NCOR1: variants seen among roughly 807,000 people sequenced by gnomAD.
NCOR1 encodes protein phosphatase 1, regulatory subunit 109.
A neutral mutation model predicts 288.1 loss-of-function variants in NCOR1; 63 were observed. The observed-to-expected ratio is 0.22, with a 90% CI of 0.18 to 0.27. The LOEUF (loss-of-function observed/expected upper bound fraction) is 0.27, where lower values mean the gene tolerates loss of function less well. Among genes scored for constraint, NCOR1 ranks in the 10% least tolerant of loss-of-function variants. The pLI, the probability that NCOR1 is intolerant of heterozygous loss-of-function variation, is 1.00. For missense variants in NCOR1, 2,397 were observed against 3,019.2 expected (o/e 0.79, Z 4.83); for synonymous variants, 1,007 against 1,065.9 (o/e 0.94, Z 1.08).
At chr17:16,103,978 C>G (rs1191471230) in intron 19 of NCOR1, among the ~76,000 whole-genome samples, 1 of 152,224 alleles carries the variant, frequency 6.6e-6, no homozygotes, top group Admixed American at 6.5e-5. Flanking sequence ...CCAGCCTGGG[C>G]AACAAGAGTG....
At chr17:16,149,662 C>A (rs1016050141) in intron 8 of NCOR1, 145 bp from the exon 9 acceptor site, 1 of 399,450 alleles carries the variant, frequency 2.5e-6, no homozygotes, top group African/African-American at 2.1e-5. Flanking sequence ...ATTTTTTTAC[C>A]CTGCAAAATA....
intron 42 of NCOR1, among the ~76,000 whole-genome samples, chr17:16,043,339 G>A (rs1216038544): frequency 1.3e-5 from 2 of 152,088 alleles, no homozygotes; most frequent in African/African-American, 4.8e-5. Context: ...TGCCATGGTG[G>A]GCCCAGGAGC....
intron 23 of NCOR1, among the ~76,000 whole-genome samples, chr17:16,081,981 G>A (rs1377970552): frequency 6.6e-6 from 1 of 152,178 alleles, no homozygotes; most frequent in East Asian, 1.9e-4. Context: ...CTAAGGCAAA[G>A]CTGTTAAGTG....
rs2062346063 is a variant in NCOR1 at position 16,075,593 on chromosome 17, G to C, written c.3611C>G (p.Ala1204Gly). The change falls in exon 27 of 46, where the codon GCT becomes GGT. Residue 1204 changes from alanine (A) to glycine (G), a missense_variant. Transcript: ENST00000268712. ...DSSPEKGREE[A>G]ASKGHVIYEG... ...ATAAATAACATGGCCTTTGGATGCA[G>C]CTTCCTCTCTGCCTTTCTCAGGACT... The C allele has an allele frequency of 6.2e-7, 1 of 1,614,198 alleles. No homozygotes were observed. The highest frequency in any genetic ancestry group is 8.5e-7 in the Non-Finnish European group (1 of 1,180,040).
In NCOR1 at chr17:16,127,737, A is replaced by G. The variant is rs28513534; in HGVS notation, c.1510-1531T>C. On this transcript the variant is annotated intron_variant, in intron 14 of 45. Transcript: ENST00000268712. Reference sequence around the variant, plus strand: ...TGTATATATACATATATGTGTATATATGTGTGGAGATATATATATATATCT... The same window carrying G: ...TGTATATATACATATATGTGTATATGTGTGTGGAGATATATATATATATCT... Among the ~76,000 whole-genome samples, 241 of 111,354 alleles carry G rather than the reference A, an allele frequency of 2.2e-3. 2 individuals are homozygous for G. Among genetic ancestry groups the G allele is most frequent in the Middle Eastern group, 0.016 (3 of 190 alleles). 73.1% of individuals were successfully genotyped at this position (111,354 alleles called of 152,430 possible).
chr17:16,053,645 T>C (rs1348206295), intron 40 of NCOR1, among the ~76,000 whole-genome samples: 2 of 152,190 alleles, frequency 1.3e-5, no homozygotes, highest in African/African-American at 4.8e-5. Context: ...TTCAATGCTA[T>C]TCCTATTAAA....
chr17:16,137,707 C>A, intron 13 of NCOR1: 1 of 236,576 alleles, frequency 4.2e-6, no homozygotes, highest in Admixed American at 5.5e-5. Flanking sequence ...TGATTACATA[C>A]ATGCAAATTT....
intron 22 of NCOR1, among the ~76,000 whole-genome samples, chr17:16,088,549 CTT>C (rs1217137501): frequency 1.3e-5 from 2 of 152,080 alleles, no homozygotes; most frequent in Non-Finnish European, 2.9e-5. Flanking sequence ...AATAATTTGT[CTT>C]TTCCCTTCAA....
At position 16,170,328 on chromosome 17, in the gene NCOR1, T is replaced by C. The variant is rs375524357; in HGVS notation, c.435+1475A>G. ...AAAAGATTTGATGGCAGTAAAAACA[T>C]TTTAAACTTCAGTATGCTTTAAAAA... On this transcript the variant is annotated intron_variant, in intron 4 of 45. Transcript: ENST00000268712. 2.2e-3 allele frequency among the ~76,000 whole-genome samples: 332 copies of C among 152,272 alleles called. 17 individuals are homozygous for C. In the South Asian group the frequency reaches 0.067, roughly 31 times the overall value.
chr17:16,090,683 C>T (rs2065031086), intron 22 of NCOR1, among the ~76,000 whole-genome samples: 1 of 152,132 alleles, frequency 6.6e-6, no homozygotes, highest in Admixed American at 6.5e-5. Context: ...TTCTGGTTCA[C>T]ATTTTTCCTA....
rs201564888 is a variant in NCOR1 at position 16,062,086 on chromosome 17, A to G, written c.5387+19T>C. Reference sequence around the variant, plus strand: ...TATGCAAGAGACATTTTTTGTCAAAATATGTACAAGAGACTGACATGATTC... The same window carrying G: ...TATGCAAGAGACATTTTTTGTCAAAGTATGTACAAGAGACTGACATGATTC... On this transcript the variant is annotated intron_variant, in intron 36 of 45. Transcript: ENST00000268712. 3.0e-5 allele frequency: 48 copies of G among 1,605,420 alleles called. No individual in the cohort carries two copies. The East Asian group carries it at 7.1e-4, about 24-fold the overall frequency.
chr17:16,033,431 A>G (rs373127332), intron 45 of NCOR1, among the ~76,000 whole-genome samples: 3 of 152,088 alleles, frequency 2.0e-5, no homozygotes, highest in African/African-American at 7.2e-5. Flanking sequence ...TCCCTAAGAG[A>G]TCTGAGAAGC....
At chr17:16,070,566 C>G (rs1460060326) in intron 30 of NCOR1, 41 bp from the exon 31 acceptor site, 5 of 1,587,510 alleles carry the variant, frequency 3.1e-6, no homozygotes, top group Non-Finnish European at 3.4e-6. Context: ...GCAAAGTCAT[C>G]TGGCTACTTT....
At chr17:16,112,599 G>A (rs2070525649) in intron 18 of NCOR1, among the ~76,000 whole-genome samples, 1 of 151,940 alleles carries the variant, frequency 6.6e-6, no homozygotes, top group African/African-American at 2.4e-5. Context: ...AGGTTCAAGT[G>A]ATTCTACTGG....
intron 1 of NCOR1, among the ~76,000 whole-genome samples, chr17:16,206,025 C>G (rs1402685233): frequency 6.6e-6 from 1 of 150,976 alleles, no homozygotes; most frequent in African/African-American, 2.4e-5. Flanking sequence ...AAAGGCCAAT[C>G]AGAATCACAT....
intron 1 of NCOR1, among the ~76,000 whole-genome samples, chr17:16,202,647 T>C (rs2090988248): frequency 6.6e-6 from 1 of 152,168 alleles, no homozygotes; most frequent in East Asian, 1.9e-4. Flanking sequence ...TGAGCTCACC[T>C]AAAAGTCTGG....
At chr17:16,042,373 G>C (rs2057886345) in intron 42 of NCOR1, among the ~76,000 whole-genome samples, 1 of 152,288 alleles carries the variant, frequency 6.6e-6, no homozygotes, top group Non-Finnish European at 1.5e-5. Flanking sequence ...GATCAAAAAT[G>C]GTCAGATGAA....
chr17:16,197,492 C>T (rs1600407052), intron 1 of NCOR1, among the ~76,000 whole-genome samples: 1 of 152,058 alleles, frequency 6.6e-6, no homozygotes, highest in Non-Finnish European at 1.5e-5. Flanking sequence ...TTCCCTGCTC[C>T]CTTCCTGAGG....
chr17:16,035,455 C>T (rs1184700125), intron 44 of NCOR1, among the ~76,000 whole-genome samples: 1 of 151,804 alleles, frequency 6.6e-6, no homozygotes, highest in African/African-American at 2.4e-5. Context: ...AGCAACTCCT[C>T]ATCCATTTCA....
Sources: gnomAD v4.1 joint callset for allele counts (sites outside exome capture counted in the v4.1 genomes callset) on GRCh38, gnomAD v4.1.1 for gene constraint, MANE v1.5 for transcripts, NCBI Gene and HGNC (gene_info 2026-07-23, HGNC 2026-07-21) for gene names.